ATP1A3: variants seen among roughly 807,000 people sequenced by gnomAD.
The protein encoded by ATP1A3 is sodium/potassium-transporting ATPase subunit alpha-3.
ATP1A3 carries 12 observed loss-of-function variants against 108.8 expected under a neutral mutation model. That is an observed-to-expected ratio of 0.11 (90% confidence interval 0.07 to 0.18). The LOEUF is 0.18. Among genes scored for constraint, ATP1A3 ranks in the 10% least tolerant of loss-of-function variants. The pLI is 1.00. For synonymous variants in ATP1A3, 539 were observed against 564.5 expected (o/e 0.95, Z 0.64); for missense variants, 498 against 1,387.7 (o/e 0.36, Z 10.19).
chr19:41,991,335 G>A lies in ATP1A3; in HGVS notation c.6+2736C>T, dbSNP rs2075336390. On this transcript the variant is annotated intron_variant, in intron 1 of 22. Transcript: ENST00000648268. ...GGGAGGGGCAGCAGCCTGGAGATCT[G>A]GGAGCCTCAAGAAGGGGTGCAGGGG... Among the ~76,000 whole-genome samples the A allele has an allele frequency of 1.3e-5, 2 of 152,120 alleles. 1 individual carries two copies. Among genetic ancestry groups the A allele is most frequent in the Non-Finnish European group, 2.9e-5 (2 of 67,992 alleles).
chr19:41,988,364 A>G lies in ATP1A3; in HGVS notation c.107T>C (p.Met36Thr). 2 of 1,614,146 alleles carry G rather than the reference A, an allele frequency of 1.2e-6. No individual in the cohort carries two copies. Among genetic ancestry groups the G allele is most frequent in the Non-Finnish European group, 1.7e-6 (2 of 1,180,008 alleles). The change falls in exon 3 of 23, where the codon ATG becomes ACG. Residue 36 changes from methionine (M) to threonine (T), a missense_variant. By Grantham distance (81) the Met-to-Thr change is moderately conservative. Coordinates refer to ENST00000648268, the MANE Select transcript of ATP1A3 (RefSeq NM_152296.5). This position sits in a 1 kb window ranked among gnomAD's most constrained non-coding sequence, Gnocchi z 5.3. ...TTTCCGGCAGACCTCTTCCACTGAC[A>G]TCTTGTGCTCTGTCTGAGGAACAGG... ...KKEVAMTEHK[M>T]SVEEVCRKYN...
rs199577046 is a variant in ATP1A3, at chr19:41,988,339, T to C, written c.132A>G (p.Lys44=). 1.4e-5 allele frequency: 22 copies of C among 1,614,160 alleles called. No individual in the cohort carries two copies. The highest frequency in any genetic ancestry group is 1.9e-5 in the Non-Finnish European group (22 of 1,180,008). ...HKMSVEEVCR[K]YNTDCVQGLT... ...ACACCTGCACACAGTCTGTGTTGTA[T>C]TTCCGGCAGACCTCTTCCACTGACA... The change falls in exon 3 of 23, where the codon AAA becomes AAG. Residue 44 remains lysine, a synonymous_variant. Coordinates refer to ENST00000648268, the MANE Select transcript of ATP1A3 (RefSeq NM_152296.5). The surrounding 1 kb of genome is among the most constrained non-coding windows in gnomAD (Gnocchi z 5.3).
At chr19:41,969,961 A>G (rs2075084412) in intron 18 of ATP1A3, among the ~76,000 whole-genome samples, 1 of 152,214 alleles carries the variant, frequency 6.6e-6, no homozygotes, top group Non-Finnish European at 1.5e-5. Flanking sequence ...ACAGCCCCCA[A>G]GGGTGGCTGC....
chr19:41,976,781 GATTT>G (rs1274786274), intron 14 of ATP1A3, among the ~76,000 whole-genome samples: 2 of 151,914 alleles, frequency 1.3e-5, no homozygotes, highest in African/African-American at 4.8e-5. Flanking sequence ...TGGGGCAGTG[GATTT>G]ATTTATTTAT....
chr19:41,972,804 GGGAAGGAAGGAAGGAAGGAAGGAAGGAA>G (rs782125486), intron 16 of ATP1A3, among the ~76,000 whole-genome samples: 6 of 74,872 alleles, frequency 8.0e-5, no homozygotes, highest in African/African-American at 2.6e-4. Context: ...AGGAAGGAAG[GGGAAGGAAGGAAGGAAGGAAGGAAGGAA>G]GGAAGGAAGG....
intron 4 of ATP1A3, 112 bp from the exon 5 acceptor site, chr19:41,986,341 G>T: frequency 2.0e-6 from 2 of 1,015,274 alleles, no homozygotes; most frequent in South Asian, 1.4e-5. Flanking sequence ...GTCTGTATTT[G>T]TGTGTCTGAC....
chr19:41,968,951 T>C lies in ATP1A3; in HGVS notation c.2689-36A>G, dbSNP rs782016700. The C allele has an allele frequency of 1.1e-4, 175 of 1,612,718 alleles. No homozygotes were observed. The South Asian group carries it at 1.9e-3, about 17-fold the overall frequency. ...GGTGACCAGGGCACGGGACGTCAGT[T>C]AGTGGCACTGCAGCCCTAGCCGCCA... On this transcript the variant is annotated intron_variant, in intron 19 of 22. Transcript: ENST00000648268. The surrounding 1 kb of genome is among the most constrained non-coding windows in gnomAD (Gnocchi z 5.0).
In ATP1A3 at chr19:41,978,729, G is replaced by A. The variant is rs782260896; in HGVS notation, c.1507C>T (p.Arg503Cys). 2 of 1,614,056 alleles carry A rather than the reference G, an allele frequency of 1.2e-6. No individual in the cohort carries two copies. The highest frequency in any genetic ancestry group is 1.7e-5 in the Admixed American group (1 of 60,022). ...YLLVMKGAPERILDRCSTILL... is the reference protein window; with the variant it reads ...YLLVMKGAPECILDRCSTILL... The stretch of plus-strand genomic sequence containing the variant: ...ATGGTGGAGCAGCGGTCCAGGATGC[G>A]CTCGGGGGCACCCTTCATCACCAGC... Residue 503 changes from arginine (R) to cysteine (C), a missense_variant, in exon 12 of 23, where the codon CGC becomes TGC. Physicochemically the swap from Arg to Cys is radical, Grantham distance 180 (BLOSUM62 -3). Coordinates refer to ENST00000648268, the MANE Select transcript of ATP1A3 (RefSeq NM_152296.5). The surrounding 1 kb of genome is among the most constrained non-coding windows in gnomAD (Gnocchi z 8.3).
rs1555860802 is a variant in ATP1A3, at chr19:41,975,687, T to G, written c.2205A>C (p.Ala735=). 2.5e-6 allele frequency: 4 copies of G among 1,614,152 alleles called. No homozygotes were observed. Among genetic ancestry groups the G allele is most frequent in the Non-Finnish European group, 3.4e-6 (4 of 1,179,994 alleles). Residue 735 remains alanine (A), a synonymous_variant, in exon 16 of 23, where the codon GCA becomes GCC. Transcript: ENST00000648268. ...TGTCGTCCAGCAGGATCATGTCAGC[T>G]GCCTGCTTGGAGACGTCAGAGCCAG... ...GIAGSDVSKQ[A]ADMILLDDNF... is the part of the protein sequence containing the mutation.
In ATP1A3 at chr19:41,981,739, T is replaced by C; in HGVS notation, c.1285A>G (p.Asn429Asp). 6.2e-7 allele frequency: 1 copy of C among 1,614,200 alleles called. No individual in the cohort carries two copies. Among genetic ancestry groups the C allele is most frequent in the East Asian group, 2.2e-5 (1 of 44,880 alleles). ...NRAVFKGGQD[N>D]IPVLKRDVAG... The stretch of plus-strand genomic sequence containing the variant: ...GAACCCACCTTGAGCACAGGGATGT[T>C]GTCCTGACCACCCTTGAAGACAGCG... The change falls in exon 10 of 23, where the codon AAC becomes GAC. Residue 429 changes from asparagine (N) to aspartate (D), a missense_variant. By Grantham distance (23) the Asn-to-Asp change is conservative. This residue lies in a region of ATP1A3 where 36 missense variants were observed against 58.7 expected (regional missense o/e 0.61). Transcript: ENST00000648268. The surrounding 1 kb of genome is among the most constrained non-coding windows in gnomAD (Gnocchi z 5.0).
chr19:41,976,801 T>A (rs1001705001), intron 14 of ATP1A3, among the ~76,000 whole-genome samples: 9 of 151,760 alleles, frequency 5.9e-5, no homozygotes, highest in East Asian at 3.9e-4. Context: ...TTTATTTATT[T>A]ATTATTTATT....
chr19:41,988,403 C>A lies in ATP1A3; in HGVS notation c.94-26G>T. On this transcript the variant is annotated intron_variant, in intron 2 of 22. Transcript: ENST00000648268. This position sits in a 1 kb window ranked among gnomAD's most constrained non-coding sequence, Gnocchi z 5.3. ...CTGAGGAACAGGAGTTTGGGGGAGA[C>A]GGTGAGTGCCTAGGCCAGCCAAGAA... 1 of 1,614,142 alleles carries A rather than the reference C, an allele frequency of 6.2e-7. No individual in the cohort carries two copies. Among genetic ancestry groups the A allele is most frequent in the Non-Finnish European group, 8.5e-7 (1 of 1,180,028 alleles).
chr19:41,967,122 T>C lies in ATP1A3; in HGVS notation c.3013+127A>G. Reference sequence around the variant, plus strand: ...AAGACAGAGTGGGTGCCCGGAGAGATGGGAAGAGAGAGAAGAGTGGGAACC... The same window carrying C: ...AAGACAGAGTGGGTGCCCGGAGAGACGGGAAGAGAGAGAAGAGTGGGAACC... On this transcript the variant is annotated intron_variant, in intron 22 of 22. Coordinates refer to ENST00000648268, the MANE Select transcript of ATP1A3 (RefSeq NM_152296.5). The surrounding 1 kb of genome is among the most constrained non-coding windows in gnomAD (Gnocchi z 4.2). The C allele has an allele frequency of 6.4e-7, 1 of 1,558,974 alleles. No individual in the cohort carries two copies. Among genetic ancestry groups the C allele is most frequent in the Non-Finnish European group, 8.7e-7 (1 of 1,151,774 alleles).
In ATP1A3 at chr19:41,978,055, G is replaced by A. The variant is rs782288263; in HGVS notation, c.1824C>T (p.Gly608=). 4.2e-5 allele frequency: 67 copies of A among 1,614,124 alleles called. No individual in the cohort carries two copies. The highest frequency in any genetic ancestry group is 8.0e-5 in the African/African-American group (6 of 74,946). Residue 608 remains glycine (G), a synonymous_variant, in exon 14 of 23, where the codon GGC becomes GGT. Coordinates refer to ENST00000648268, the MANE Select transcript of ATP1A3 (RefSeq NM_152296.5). This position sits in a 1 kb window ranked among gnomAD's most constrained non-coding sequence, Gnocchi z 8.3. The part of the protein sequence containing the change: ...SAGIKVIMVT[G]DHPITAKAIA... ...TGGCCTTGGCCGTGATGGGGTGATC[G>A]CCGGTGACCATGATGACCTGCAGGC...
intron 1 of ATP1A3, among the ~76,000 whole-genome samples, chr19:41,990,574 T>C (rs1555866961): frequency 6.7e-6 from 1 of 148,600 alleles, no homozygotes; most frequent in Non-Finnish European, 1.5e-5. Flanking sequence ...TTTCTCTCTC[T>C]TACTACCTCA....
At position 41,994,186 on chromosome 19, in the gene ATP1A3, G is replaced by T; in HGVS notation, c.-110C>A. The T allele has an allele frequency of 9.2e-7, 1 of 1,081,936 alleles. No homozygotes were observed. The highest frequency in any genetic ancestry group is 1.3e-6 in the Non-Finnish European group (1 of 799,692). 67.0% of individuals were successfully genotyped at this position (1,081,936 alleles called of 1,614,324 possible). On this transcript the variant is annotated 5_prime_UTR_variant, in exon 1 of 23. Transcript: ENST00000648268. ...CTGCAGCGCCCGCGCCTCGGTAGGT[G>T]CGCGCGTCCGTCCGTCCGTCCGTTG...
rs1599731515 is a variant in ATP1A3 at position 41,994,011 on chromosome 19, C to G, written c.6+60G>C. 32 of 1,605,664 alleles carry G rather than the reference C, an allele frequency of 2.0e-5. No homozygotes were observed. The East Asian group carries it at 6.5e-4, about 33-fold the overall frequency. ...CGGTGCCCCCGCCCCCCGCGCACAC[C>G]CAATGTCACCGGCCCCACAATGTCA... On this transcript the variant is annotated intron_variant, in intron 1 of 22. Transcript: ENST00000648268.
At chr19:41,975,881 C>A in intron 15 of ATP1A3, 84 bp from the exon 16 acceptor site, 1 of 1,566,170 alleles carries the variant, frequency 6.4e-7, no homozygotes, top group South Asian at 1.1e-5. Flanking sequence ...AGGACCCCAG[C>A]CCCCTCCTCC....
chr19:41,982,073 G>A lies in ATP1A3; in HGVS notation c.1027C>T (p.Arg343Trp), dbSNP rs782423325. ...AGGTTCTTCACCAGGCAGTTCTTCC[G>A]GGCCATGCGCTTGGCGGTCAGCGTC... ...CLTLTAKRMA[R>W]KNCLVKNLEA... is the part of the protein sequence containing the mutation. Residue 343 changes from arginine to tryptophan, a missense_variant, in exon 9 of 23, where the codon CGG becomes TGG. By Grantham distance (101) the Arg-to-Trp change is moderately radical. Around this residue, in one of 9 missense-constraint regions of ATP1A3, gnomAD observed 127 missense variants for 464.0 expected, o/e 0.27. Transcript: ENST00000648268. 15 of 1,614,016 alleles carry A rather than the reference G, an allele frequency of 9.3e-6. No homozygotes were observed. Among genetic ancestry groups the A allele is most frequent in the South Asian group, 3.3e-5 (3 of 91,086 alleles).
Sources: allele counts gnomAD v4.1 joint callset (sites outside exome capture counted in the v4.1 genomes callset), GRCh38; gene constraint gnomAD v4.1.1; regional missense constraint gnomAD v4.1.1; non-coding constraint Gnocchi (gnomAD v3.1); transcripts MANE v1.5; gene names NCBI Gene and HGNC (gene_info 2026-07-23, HGNC 2026-07-21).